The following USP47 variants were observed in gnomAD, a reference collection of about 807,000 sequenced individuals.
USP47 encodes the protein ubiquitin specific peptidase 47.
USP47 carries 35 observed loss-of-function variants against 165.1 expected under a neutral mutation model. That is an observed-to-expected ratio of 0.21 (90% CI 0.16 to 0.28). The LOEUF (loss-of-function observed/expected upper bound fraction) is 0.28. Among genes scored for constraint, USP47 ranks in the 10% least tolerant of loss-of-function variants. The pLI is 1.00. For synonymous variants in USP47, 531 were observed against 544.5 expected (o/e 0.98, Z 0.35); for missense variants, 1,277 against 1,607.4 (o/e 0.79, Z 3.52).
At chr11:11,870,389 A>G (rs1307352321) in intron 1 of USP47, among the ~76,000 whole-genome samples, 1 of 152,166 alleles carries the variant, frequency 6.6e-6, no homozygotes, top group Non-Finnish European at 1.5e-5. Flanking sequence ...CAAGTCTTTA[A>G]TAAAAACTCA....
chr11:11,865,186 T>G (rs1849601811), intron 1 of USP47, among the ~76,000 whole-genome samples: 1 of 152,188 alleles, frequency 6.6e-6, no homozygotes, highest in Non-Finnish European at 1.5e-5. Context: ...TTATATAGGT[T>G]AATGTCTTTT....
At chr11:11,902,257 T>G (rs1852278070) in intron 5 of USP47, among the ~76,000 whole-genome samples, 1 of 152,216 alleles carries the variant, frequency 6.6e-6, no homozygotes, top group Non-Finnish European at 1.5e-5. Context: ...CTCTTTCATC[T>G]TTTTTCATCC....
intron 23 of USP47, 112 bp downstream of exon 23, chr11:11,950,116 G>A: frequency 1.2e-6 from 1 of 830,694 alleles, no homozygotes; most frequent in African/African-American, 1.8e-5. Flanking sequence ...GTGCTATTCA[G>A]AATTTTAGTA....
At chr11:11,877,631 A>G (rs192325770) in intron 1 of USP47, among the ~76,000 whole-genome samples, 1 of 152,358 alleles carries the variant, frequency 6.6e-6, no homozygotes, top group East Asian at 1.9e-4. Flanking sequence ...ATACTAACAA[A>G]TACTACTTAG....
In USP47 at chr11:11,957,610, T is replaced by C. The variant is rs896382961; in HGVS notation, c.*1435T>C. 4 of 152,654 alleles carry C rather than the reference T, an allele frequency of 2.6e-5. No homozygotes were observed. Among genetic ancestry groups the C allele is most frequent in the African/African-American group, 9.6e-5 (4 of 41,458 alleles). The allele number at this position is 152,654 out of a possible 1,614,324, so 9.5% of individuals were successfully genotyped here. Reference sequence around the variant, plus strand: ...TAAATATGACATTTTGTAATGTGTATTGGATATCTCATTTCTATGATAAAG... The same window carrying C: ...TAAATATGACATTTTGTAATGTGTACTGGATATCTCATTTCTATGATAAAG... On this transcript the variant is annotated 3_prime_UTR_variant, in exon 28 of 28. Coordinates refer to ENST00000527733, the MANE Select transcript of USP47 (RefSeq NM_001282659.2).
At chr11:11,890,599 T>TCCTCAA (rs1564866588) in intron 3 of USP47, among the ~76,000 whole-genome samples, 1 of 152,150 alleles carries the variant, frequency 6.6e-6, no homozygotes, top group African/African-American at 2.4e-5. Context: ...GAAAATAATG[T>TCCTCAA]GGTCATTCCT....
intron 4 of USP47, among the ~76,000 whole-genome samples, chr11:11,896,847 C>T (rs937375144): frequency 5.3e-5 from 8 of 151,936 alleles, no homozygotes; most frequent in Admixed American, 2.6e-4. Flanking sequence ...CATGCATACA[C>T]GGTTCTTAAA....
chr11:11,960,070 C>T lies in USP47; in HGVS notation c.*3895C>T, dbSNP rs994891471. Among the ~76,000 whole-genome samples the T allele has an allele frequency of 1.3e-5, 2 of 152,140 alleles. No individual in the cohort carries two copies. The highest frequency in any genetic ancestry group is 4.8e-5 in the African/African-American group (2 of 41,410). On this transcript the variant is annotated 3_prime_UTR_variant, in exon 28 of 28. Coordinates refer to ENST00000527733, the MANE Select transcript of USP47 (RefSeq NM_001282659.2). The stretch of plus-strand genomic sequence containing the variant: ...ATGCAGTTACCCACTGGGCAGTGGG[C>T]TTATCAAGTGCTCAGTGCAATCCTG...
At chr11:11,930,802 C>G in intron 14 of USP47, 51 bp downstream of exon 14, 1 of 1,484,894 alleles carries the variant, frequency 6.7e-7, no homozygotes, top group South Asian at 1.3e-5. Flanking sequence ...AAACTAATTT[C>G]TTTTGTAAGT....
intron 1 of USP47, among the ~76,000 whole-genome samples, chr11:11,870,053 G>GT (rs1418562395): frequency 4.1e-5 from 6 of 147,298 alleles, no homozygotes; most frequent in South Asian, 2.2e-4. Flanking sequence ...GTGACATTTT[G>GT]TTTTTTTGTT....
In USP47 at chr11:11,958,588, A is replaced by G. The variant is rs1054167236; in HGVS notation, c.*2413A>G. The G allele has an allele frequency of 6.6e-6, 1 of 152,208 alleles. No individual in the cohort carries two copies. Among genetic ancestry groups the G allele is most frequent in the Non-Finnish European group, 1.5e-5 (1 of 68,050 alleles). The allele number at this position is 152,208 out of a possible 1,614,324, so 9.4% of individuals were successfully genotyped here. ...AGGCTGAGGCAGGTCACATGCAACAAATTGTGACCCTGCTCCCCACAAGTC... is the reference window on the plus strand; with the variant it reads ...AGGCTGAGGCAGGTCACATGCAACAGATTGTGACCCTGCTCCCCACAAGTC... On this transcript the variant is annotated 3_prime_UTR_variant, in exon 28 of 28. Coordinates refer to ENST00000527733, the MANE Select transcript of USP47 (RefSeq NM_001282659.2).
chr11:11,937,142 G>C (rs1044243713), intron 17 of USP47, among the ~76,000 whole-genome samples: 6 of 151,778 alleles, frequency 4.0e-5, no homozygotes, highest in Admixed American at 1.3e-4. Flanking sequence ...TTTTCCCAGA[G>C]ACAGTTTCCC....
intron 3 of USP47, 51 bp downstream of exon 3, chr11:11,884,631 A>C (rs1337853444): frequency 8.1e-7 from 1 of 1,234,594 alleles, no homozygotes; most frequent in East Asian, 2.4e-5. Flanking sequence ...ACTGTCACCT[A>C]CTACTTGAGG....
At chr11:11,934,283 A>C (rs376846558) in intron 16 of USP47, among the ~76,000 whole-genome samples, 1 of 152,174 alleles carries the variant, frequency 6.6e-6, no homozygotes, top group African/African-American at 2.4e-5. Context: ...GGTGTTAGAG[A>C]TACCAAAGTG....
intron 11 of USP47, among the ~76,000 whole-genome samples, chr11:11,927,715 T>C (rs2134660673): frequency 6.6e-6 from 1 of 152,252 alleles, no homozygotes; most frequent in East Asian, 1.9e-4. Context: ...GTACCATGTT[T>C]GAAGATGTAT....
At chr11:11,913,599 C>T (rs555331651) in intron 8 of USP47, among the ~76,000 whole-genome samples, 2 of 151,918 alleles carry the variant, frequency 1.3e-5, no homozygotes, top group South Asian at 4.1e-4. Context: ...TGGTAGTTAC[C>T]AGAGGCTGGG....
chr11:11,866,949 G>C (rs1849721362), intron 1 of USP47, among the ~76,000 whole-genome samples: 3 of 151,876 alleles, frequency 2.0e-5, no homozygotes, highest in Admixed American at 2.0e-4. Flanking sequence ...CCAGGCTGGA[G>C]CTCAATGGTG....
chr11:11,846,973 T>C (rs1848462770), intron 1 of USP47, among the ~76,000 whole-genome samples: 1 of 152,106 alleles, frequency 6.6e-6, no homozygotes, highest in Non-Finnish European at 1.5e-5. Flanking sequence ...TTAAACAAAT[T>C]GGAGTGTTTA....
At chr11:11,930,474 T>C (rs1341925558) in intron 13 of USP47, among the ~76,000 whole-genome samples, 1 of 152,164 alleles carries the variant, frequency 6.6e-6, no homozygotes, top group African/African-American at 2.4e-5. Flanking sequence ...TTAAAGACTT[T>C]ACTGTATTAC....
Sources: allele counts gnomAD v4.1 joint callset (sites outside exome capture counted in the v4.1 genomes callset), GRCh38; gene constraint gnomAD v4.1.1; transcripts MANE v1.5; gene names NCBI Gene and HGNC (gene_info 2026-07-23, HGNC 2026-07-21).